The following IL15 variants were observed in gnomAD, a reference collection of about 807,000 sequenced individuals.
The protein encoded by IL15 is interleukin 15, also known as interleukin-15.
In IL15, 11 loss-of-function variants were observed where a neutral mutation model predicts 19.6. The observed-to-expected ratio is 0.56, with a 90% confidence interval of 0.35 to 0.93. IL15 has a LOEUF of 0.93. IL15 is among the 40% of genes least tolerant of loss of function. IL15 has a pLI of 0.01. For synonymous variants in IL15, 58 were observed against 59.6 expected, an observed-to-expected ratio of 0.97 and a Z score of 0.12; for missense variants, 197 against 186.5, an observed-to-expected ratio of 1.06 and a Z score of -0.33.
intron 5 of IL15, among the ~76,000 whole-genome samples, chr4:141,726,633 A>C (rs1240095573): frequency 6.6e-6 from 1 of 152,160 alleles, no homozygotes; most frequent in African/African-American, 2.4e-5. Flanking sequence ...GTGCACACAA[A>C]AATATGTACA....
intron 2 of IL15, among the ~76,000 whole-genome samples, chr4:141,697,811 A>T (rs188804984): frequency 6.3e-4 from 96 of 151,878 alleles, no homozygotes; most frequent in African/African-American, 2.1e-3. Flanking sequence ...TTCTTTACCA[A>T]TTTGGATGCC....
chr4:141,636,958 C>T (rs1726876547), intron 1 of IL15: 1 of 152,328 alleles, frequency 6.6e-6, no homozygotes, highest in Non-Finnish European at 1.5e-5. Flanking sequence ...ACTTCTGAGG[C>T]TCTCCTAGCC....
intron 2 of IL15, among the ~76,000 whole-genome samples, chr4:141,702,487 G>C (rs1255489273): frequency 6.6e-6 from 1 of 152,158 alleles, no homozygotes; most frequent in Non-Finnish European, 1.5e-5. Context: ...GAGATTCCTT[G>C]GTTGTCAATA....
At chr4:141,661,453 C>A (rs1016234096) in intron 2 of IL15, among the ~76,000 whole-genome samples, 12 of 152,112 alleles carry the variant, frequency 7.9e-5, no homozygotes, top group African/African-American at 2.7e-4. Context: ...GTGGCAGTAT[C>A]TAGTGAGGAA....
At chr4:141,722,218 G>A (rs919101698) in intron 5 of IL15, among the ~76,000 whole-genome samples, 9 of 152,162 alleles carry the variant, frequency 5.9e-5, no homozygotes, top group Middle Eastern at 3.4e-3. Context: ...CGGCCCAGAC[G>A]GATGAGTTCT....
chr4:141,673,354 G>T (rs947606474), intron 2 of IL15, among the ~76,000 whole-genome samples: 3 of 152,056 alleles, frequency 2.0e-5, no homozygotes, highest in Admixed American at 6.5e-5. Context: ...CTCATTAAAT[G>T]GTTCTTTATA....
chr4:141,692,919 T>G (rs1728962887), intron 2 of IL15, among the ~76,000 whole-genome samples: 1 of 149,708 alleles, frequency 6.7e-6, no homozygotes, highest in South Asian at 2.1e-4. Context: ...CATCTGCCAA[T>G]TATCTGTATT....
In IL15 at chr4:141,733,826, TAAAG is replaced by T. The variant is rs779447987; in HGVS notation, c.*982_*985del. On this transcript the variant is annotated 3_prime_UTR_variant, in exon 8 of 8. Coordinates refer to ENST00000320650, the MANE Select transcript of IL15 (RefSeq NM_000585.5). The stretch of plus-strand genomic sequence containing the variant: ...TCTTTTTGCCATGTTTATATAATAA[TAAAG>T]AAAAACCCTGTTGATTTGTTGGAGC... The T allele has an allele frequency of 1.2e-4, 18 of 152,292 alleles. No homozygotes were observed. The highest frequency in any genetic ancestry group is 4.3e-4 in the African/African-American group (18 of 41,578). The allele number at this position is 152,292 out of a possible 1,614,324, so 9.4% of individuals were successfully genotyped here. A position where few individuals can be genotyped will look rare whatever the true frequency, so the allele number is the denominator to read the frequency against.
intron 2 of IL15, among the ~76,000 whole-genome samples, chr4:141,673,623 T>C (rs1728246025): frequency 6.6e-6 from 1 of 152,216 alleles, no homozygotes; most frequent in Non-Finnish European, 1.5e-5. Context: ...TATTCGACTG[T>C]ATCTGCCTCC....
intron 2 of IL15, among the ~76,000 whole-genome samples, chr4:141,657,269 A>G (rs193268660): frequency 6.0e-4 from 91 of 152,298 alleles, no homozygotes; most frequent in Non-Finnish European, 1.2e-3. Context: ...AAATTTTACA[A>G]TACTGGAAGC....
chr4:141,680,304 A>C (rs962780976), intron 2 of IL15, among the ~76,000 whole-genome samples: 1 of 152,154 alleles, frequency 6.6e-6, no homozygotes, highest in African/African-American at 2.4e-5. Context: ...TGTGAGAGGC[A>C]GGAAGGCAAA....
At chr4:141,665,888 G>C (rs1297032848) in intron 2 of IL15, among the ~76,000 whole-genome samples, 1 of 151,862 alleles carries the variant, frequency 6.6e-6, no homozygotes. Context: ...TTATTTCCTA[G>C]GTGACTAAAA....
At chr4:141,670,930 G>C (rs1728152005) in intron 2 of IL15, among the ~76,000 whole-genome samples, 1 of 152,180 alleles carries the variant, frequency 6.6e-6, no homozygotes, top group South Asian at 2.1e-4. Context: ...GGAGAAGAAA[G>C]ACGTTGGAGG....
intron 1 of IL15, among the ~76,000 whole-genome samples, chr4:141,645,634 A>G (rs1406393389): frequency 1.3e-5 from 2 of 152,066 alleles, no homozygotes; most frequent in African/African-American, 4.8e-5. Flanking sequence ...ATAATAGACT[A>G]CCCCAACACT....
intron 2 of IL15, among the ~76,000 whole-genome samples, chr4:141,696,803 A>G (rs1035558778): frequency 5.3e-5 from 8 of 151,862 alleles, no homozygotes; most frequent in African/African-American, 1.9e-4. Context: ...GGCCATTTGT[A>G]TATCTTCTTT....
chr4:141,646,991 T>C (rs751776476), intron 1 of IL15, among the ~76,000 whole-genome samples: 8 of 152,098 alleles, frequency 5.3e-5, no homozygotes, highest in Non-Finnish European at 1.2e-4. Flanking sequence ...AGGGAATGAA[T>C]GGATTAATGA....
intron 2 of IL15, among the ~76,000 whole-genome samples, chr4:141,696,165 T>G (rs1222387850): frequency 1.3e-5 from 2 of 152,152 alleles, no homozygotes; most frequent in African/African-American, 4.8e-5. Flanking sequence ...GATGATGCAA[T>G]TTTCCAGCAC....
intron 5 of IL15, among the ~76,000 whole-genome samples, chr4:141,725,581 T>C (rs1730231243): frequency 6.6e-6 from 1 of 152,164 alleles, no homozygotes; most frequent in African/African-American, 2.4e-5. Flanking sequence ...GTACTTTTTA[T>C]AGCAGCCCTA....
intron 2 of IL15, among the ~76,000 whole-genome samples, chr4:141,706,699 T>C (rs1729527345): frequency 6.7e-6 from 1 of 150,298 alleles, no homozygotes; most frequent in South Asian, 2.1e-4. Context: ...TATAGTGTTC[T>C]TGGCTGATTT....
Sources: allele counts gnomAD v4.1 joint callset (sites outside exome capture counted in the v4.1 genomes callset), GRCh38; gene constraint gnomAD v4.1.1; transcripts MANE v1.5; gene names NCBI Gene and HGNC (gene_info 2026-07-23, HGNC 2026-07-21).